The following PCDHGB2 variants were observed in gnomAD, a reference collection of about 807,000 sequenced individuals.
PCDHGB2 encodes the protein protocadherin gamma subfamily B, 2.
A neutral mutation model predicts 59.3 loss-of-function variants in PCDHGB2; 55 were observed. The observed-to-expected ratio is 0.93, with a 90% confidence interval of 0.75 to 1.16. The LOEUF (loss-of-function observed/expected upper bound fraction) is 1.16. Ranked by LOEUF, PCDHGB2 falls within the 50% of genes most tolerant of loss-of-function variation. PCDHGB2 has a pLI of 0.00. For synonymous variants in PCDHGB2, 516 were observed against 512.0 expected, an observed-to-expected ratio of 1.01 and a Z score of -0.11; for missense variants, 1,228 against 1,198.5, an observed-to-expected ratio of 1.02 and a Z score of -0.36.
chr5:141,417,893 G>T (rs766340497), intron 1 of PCDHGB2: 2 of 1,572,670 alleles, frequency 1.3e-6, no homozygotes, highest in Admixed American at 1.9e-5. Flanking sequence ...GCGCCGGGCC[G>T]GCCCGCGGCA....
Position 141,361,370 on chromosome 5 carries a change from G to T in PCDHGB2, c.1235G>T (p.Arg412Leu). ...CTAGTGACAGACGGCGCTCTGGACC[G>T]GGAGGAGATCCCAGAATACAATCTC... ...YKLVTDGALDREEIPEYNLTI... is the reference protein window; with the variant it reads ...YKLVTDGALDLEEIPEYNLTI... Residue 412 changes from arginine to leucine, a missense_variant, in exon 1 of 4, where the codon CGG (arginine) becomes CTG (leucine). Physicochemically the swap from Arg to Leu is moderately radical, Grantham distance 102. This residue lies in a region of PCDHGB2 where 781 missense variants were observed against 721.6 expected (regional missense o/e 1.08). Coordinates refer to ENST00000522605, the MANE Select transcript of PCDHGB2 (RefSeq NM_018923.3). 4 of 1,613,942 alleles carry T rather than the reference G, an allele frequency of 2.5e-6. No homozygotes were observed. The highest frequency in any genetic ancestry group is 3.4e-6 in the Non-Finnish European group (4 of 1,179,882).
intron 2 of PCDHGB2, among the ~76,000 whole-genome samples, chr5:141,499,022 A>C (rs1244590420): frequency 2.7e-5 from 4 of 150,722 alleles, no homozygotes; most frequent in Admixed American, 2.0e-4. Context: ...GGAAGGAAGG[A>C]AGGAAGAAAA....
intron 1 of PCDHGB2, chr5:141,372,574 T>C: frequency 1.2e-6 from 2 of 1,614,012 alleles, no homozygotes; most frequent in South Asian, 1.1e-5. Flanking sequence ...GAGGGCTACT[T>C]TCAGCCTGGT....
intron 1 of PCDHGB2, among the ~76,000 whole-genome samples, chr5:141,444,714 CTTGGTGCCT>C (rs2098445168): frequency 6.6e-6 from 1 of 152,122 alleles, no homozygotes; most frequent in Non-Finnish European, 1.5e-5. Context: ...GTTGAATTTG[CTTGGTGCCT>C]TTGTTGAAAG....
At chr5:141,409,133 G>A in intron 1 of PCDHGB2, 1 of 1,614,002 alleles carries the variant, frequency 6.2e-7, no homozygotes, top group Non-Finnish European at 8.5e-7. Flanking sequence ...TGATTTTGAA[G>A]ATGTAGAAAG....
In PCDHGB2 at chr5:141,432,126, C is replaced by G. The variant is rs750150518; in HGVS notation, c.2422-62681C>G. 12 of 1,614,026 alleles carry G rather than the reference C, an allele frequency of 7.4e-6. No homozygotes were observed. Among genetic ancestry groups the G allele is most frequent in the South Asian group, 4.4e-5 (4 of 91,062 alleles). On this transcript the variant is annotated intron_variant, in intron 1 of 3. Transcript: ENST00000522605. The surrounding 1 kb of genome is among the most constrained non-coding windows in gnomAD (Gnocchi z 6.0). ...AACCCGCCGGTCTTCCCTCAGGCCT[C>G]CTATTCCGCTTATATCCCAGAGAAC...
intron 2 of PCDHGB2, among the ~76,000 whole-genome samples, chr5:141,502,152 C>T (rs1306227782): frequency 2.0e-5 from 3 of 152,128 alleles, no homozygotes; most frequent in African/African-American, 4.8e-5. Flanking sequence ...AAGTAAGGAC[C>T]CCAGATATTC....
At chr5:141,437,264 A>G (rs2097872616) in intron 1 of PCDHGB2, among the ~76,000 whole-genome samples, 2 of 152,228 alleles carry the variant, frequency 1.3e-5, no homozygotes, top group South Asian at 2.1e-4. Context: ...TTTTATGTGT[A>G]TGACAGATGT....
intron 1 of PCDHGB2, chr5:141,375,835 C>T (rs772317330): frequency 2.5e-5 from 40 of 1,613,984 alleles, no homozygotes; most frequent in Middle Eastern, 1.6e-4. Context: ...CCGCAGAGCC[C>T]GGCTACCTGG....
chr5:141,394,253 C>A (rs771138606), intron 1 of PCDHGB2: 1 of 1,613,986 alleles, frequency 6.2e-7, no homozygotes, highest in Admixed American at 1.7e-5. Flanking sequence ...ACGACCCCGA[C>A]AGCCAGGAGA....
intron 1 of PCDHGB2, among the ~76,000 whole-genome samples, chr5:141,472,313 A>G (rs1411876003): frequency 6.7e-6 from 1 of 150,164 alleles, no homozygotes; most frequent in East Asian, 2.0e-4. Context: ...AAGCCGAGGC[A>G]GGCAGATCAC....
chr5:141,433,042 G>C (rs752612411), intron 1 of PCDHGB2: 6 of 1,614,142 alleles, frequency 3.7e-6, no homozygotes, highest in Non-Finnish European at 5.1e-6. Flanking sequence ...CCCTCACCAC[G>C]GACTCGCGGA....
intron 1 of PCDHGB2, chr5:141,415,324 G>A (rs2095854761): frequency 1.9e-6 from 3 of 1,614,108 alleles, no homozygotes; most frequent in African/African-American, 2.7e-5. Flanking sequence ...CGTGCTGCTG[G>A]CGCACAGGCT....
intron 1 of PCDHGB2, chr5:141,383,876 G>A (rs747987128): frequency 3.7e-6 from 6 of 1,613,860 alleles, no homozygotes; most frequent in African/African-American, 1.3e-5. Context: ...GATGGTCCTG[G>A]TAGTCTGACA....
chr5:141,388,004 A>G, intron 1 of PCDHGB2: 1 of 1,482,610 alleles, frequency 6.7e-7, no homozygotes, highest in Non-Finnish European at 9.1e-7. Context: ...TTCCCGAGGA[A>G]ATGCCCAAGG....
At chr5:141,380,146 C>T (rs754635164) in intron 1 of PCDHGB2, among the ~76,000 whole-genome samples, 19 of 151,960 alleles carry the variant, frequency 1.3e-4, no homozygotes, top group African/African-American at 4.1e-4. Flanking sequence ...GTGATCCACC[C>T]GCCTCAGCCT....
At chr5:141,460,435 A>G (rs1002182353) in intron 1 of PCDHGB2, among the ~76,000 whole-genome samples, 1 of 152,144 alleles carries the variant, frequency 6.6e-6, no homozygotes, top group Admixed American at 6.6e-5. Context: ...GTATGGTGTG[A>G]GGTAACAATG....
At chr5:141,429,091 T>A (rs985605582) in intron 1 of PCDHGB2, 2 of 152,160 alleles carry the variant, frequency 1.3e-5, no homozygotes, top group African/African-American at 4.8e-5. Flanking sequence ...CCTGACCTCG[T>A]GATCTGCCCG....
intron 1 of PCDHGB2, chr5:141,399,531 G>A (rs771221717): frequency 1.2e-6 from 2 of 1,614,052 alleles, no homozygotes; most frequent in Non-Finnish European, 1.7e-6. Flanking sequence ...CCTCCATCGC[G>A]CAAGTCTGCG....
Sources: allele counts gnomAD v4.1 joint callset (sites outside exome capture counted in the v4.1 genomes callset), GRCh38; gene constraint gnomAD v4.1.1; regional missense constraint gnomAD v4.1.1; non-coding constraint Gnocchi (gnomAD v3.1); transcripts MANE v1.5; gene names NCBI Gene and HGNC (gene_info 2026-07-23, HGNC 2026-07-21).